Variants in MDGA2 observed in about 807,000 individuals in gnomAD.
MDGA2 encodes MAM domain-containing glycosylphosphatidylinositol anchor protein 2.
In MDGA2, 40 loss-of-function variants were observed where a neutral mutation model predicts 117.8. That is an observed-to-expected ratio of 0.34 (90% CI 0.26 to 0.44). The LOEUF is 0.44. MDGA2 is among the 20% of genes least tolerant of loss of function. The pLI, the probability that MDGA2 is intolerant of heterozygous loss-of-function variation, is 1.00. For synonymous variants in MDGA2, 452 were observed against 439.0 expected (o/e 1.03, Z -0.37); for missense variants, 1,123 against 1,250.6 (o/e 0.90, Z 1.54).
chr14:47,239,536 C>G (rs545346392), intron 2 of MDGA2, among the ~76,000 whole-genome samples: 1 of 151,766 alleles, frequency 6.6e-6, no homozygotes, highest in Non-Finnish European at 1.5e-5. Flanking sequence ...AAAACAGATA[C>G]CAGGCATACA....
intron 10 of MDGA2, among the ~76,000 whole-genome samples, chr14:46,891,521 T>C (rs1003239998): frequency 2.0e-5 from 3 of 151,310 alleles, no homozygotes; most frequent in Non-Finnish European, 3.0e-5. Flanking sequence ...ATTAATATAA[T>C]TTATTTCCTG....
intron 2 of MDGA2, among the ~76,000 whole-genome samples, chr14:47,218,959 A>G (rs1886200342): frequency 6.6e-6 from 1 of 152,090 alleles, no homozygotes; most frequent in Non-Finnish European, 1.5e-5. Flanking sequence ...GGCAATAATG[A>G]CTGGTATTCA....
At chr14:47,434,890 C>G (rs1226510448) in intron 1 of MDGA2, among the ~76,000 whole-genome samples, 1 of 152,098 alleles carries the variant, frequency 6.6e-6, no homozygotes, top group East Asian at 1.9e-4. Context: ...AATCCCAACA[C>G]TTTGGGAGGT....
At chr14:46,871,221 T>C (rs907401901) in intron 14 of MDGA2, 19 of 151,904 alleles carry the variant, frequency 1.3e-4, no homozygotes, top group African/African-American at 4.4e-4. Context: ...ATTTTACCTA[T>C]TTTTATGTTT....
intron 3 of MDGA2, among the ~76,000 whole-genome samples, chr14:47,176,890 G>T (rs144510606): frequency 6.6e-6 from 1 of 152,026 alleles, no homozygotes; most frequent in Non-Finnish European, 1.5e-5. Context: ...GAAAATTTTC[G>T]CAACCTACTC....
chr14:47,182,085 T>A (rs1429829789), intron 3 of MDGA2, among the ~76,000 whole-genome samples: 1 of 152,050 alleles, frequency 6.6e-6, no homozygotes, highest in East Asian at 1.9e-4. Flanking sequence ...ATGCTAGGAG[T>A]TGTTCCAAGT....
At chr14:47,437,187 A>G (rs1232852310) in intron 1 of MDGA2, among the ~76,000 whole-genome samples, 3 of 152,106 alleles carry the variant, frequency 2.0e-5, no homozygotes, top group African/African-American at 7.2e-5. Flanking sequence ...AAGTAAGCAT[A>G]TAACTGTATG....
intron 1 of MDGA2, among the ~76,000 whole-genome samples, chr14:47,335,729 ATATTT>A (rs1213785145): frequency 5.9e-5 from 2 of 34,004 alleles, no homozygotes; most frequent in African/African-American, 1.9e-4. Context: ...ATGCACACAT[ATATTT>A]TATATATATA....
chr14:47,522,467 T>C (rs1311314396), intron 1 of MDGA2, among the ~76,000 whole-genome samples: 1 of 152,100 alleles, frequency 6.6e-6, no homozygotes. Flanking sequence ...TTTAAATAAT[T>C]TTATACATGC....
At chr14:47,372,101 C>T (rs17118419) in intron 1 of MDGA2, among the ~76,000 whole-genome samples, 12,153 of 151,662 alleles carry the variant, frequency 0.08, 568 homozygotes, top group Non-Finnish European at 0.09. Context: ...ACCTTAGAAA[C>T]ATTATGTCCT....
At chr14:47,643,805 T>C (rs1897473539) in intron 1 of MDGA2, among the ~76,000 whole-genome samples, 2 of 152,270 alleles carry the variant, frequency 1.3e-5, no homozygotes, top group Admixed American at 6.5e-5. Context: ...GATTTTTAAA[T>C]GGCATAGATT....
chr14:46,965,749 T>C (rs1338331806), intron 8 of MDGA2, among the ~76,000 whole-genome samples: 1 of 152,156 alleles, frequency 6.6e-6, no homozygotes, highest in East Asian at 1.9e-4. Context: ...ATTTCGAATA[T>C]GATGAAAGAA....
At chr14:46,897,818 A>G (rs1883138883) in intron 10 of MDGA2, among the ~76,000 whole-genome samples, 1 of 152,014 alleles carries the variant, frequency 6.6e-6, no homozygotes, top group Admixed American at 6.6e-5. Flanking sequence ...CTGGGAACAT[A>G]TAATATGAAA....
chr14:47,585,136 C>T lies in MDGA2; in HGVS notation c.280+89381G>A, dbSNP rs186249153. Reference sequence around the variant, plus strand: ...AATATAATTTGCTAAGGTTTACAGTCTTAACTGTTTATTCCAAATAGGTAA... The same window carrying T: ...AATATAATTTGCTAAGGTTTACAGTTTTAACTGTTTATTCCAAATAGGTAA... On this transcript the variant is annotated intron_variant, in intron 1 of 16. Coordinates refer to ENST00000399232, the MANE Select transcript of MDGA2 (RefSeq NM_001113498.3). 1.6e-3 allele frequency among the ~76,000 whole-genome samples: 238 copies of T among 151,938 alleles called. 1 individual carries two copies. Among genetic ancestry groups the T allele is most frequent in the South Asian group, 6.9e-3 (33 of 4,812 alleles).
rs1211226904 is a variant in MDGA2, at chr14:47,604,490, C to G, written c.280+70027G>C. On this transcript the variant is annotated intron_variant, in intron 1 of 16. Coordinates refer to ENST00000399232, the MANE Select transcript of MDGA2 (RefSeq NM_001113498.3). ...TTCCACCATTCACAGCTTCCCCACC[C>G]CCCCCCACCCTCACCCCCCTATAAA... 2.4e-4 allele frequency among the ~76,000 whole-genome samples: 31 copies of G among 130,572 alleles called. No individual in the cohort carries two copies. The South Asian group carries it at 8.4e-3, about 35-fold the overall frequency. The allele number at this position is 130,572 out of a possible 152,430, so 85.7% of individuals were successfully genotyped here.
At chr14:47,039,333 ATTAT>A (rs1384796902) in intron 7 of MDGA2, among the ~76,000 whole-genome samples, 1 of 152,194 alleles carries the variant, frequency 6.6e-6, no homozygotes, top group Non-Finnish European at 1.5e-5. Flanking sequence ...ACCATACAGT[ATTAT>A]TTGTTTCACC....
intron 5 of MDGA2, among the ~76,000 whole-genome samples, chr14:47,124,655 T>C (rs751296971): frequency 6.6e-6 from 1 of 152,068 alleles, no homozygotes; most frequent in African/African-American, 2.4e-5. Flanking sequence ...TATTTGGAGA[T>C]AGGGCTTTTA....
rs115778528 is a variant in MDGA2 at position 47,216,952 on chromosome 14, A to T, written c.595+1069T>A. ...GGCCTCAGGAAATAGAAGATACTGG[A>T]GAGGATGAAACAAGGATTTCTCCCC... On this transcript the variant is annotated intron_variant, in intron 3 of 16. Transcript: ENST00000399232. 9.6e-3 allele frequency among the ~76,000 whole-genome samples: 1,454 copies of T among 152,102 alleles called. 24 individuals are homozygous for T. The highest frequency in any genetic ancestry group is 0.034 in the African/African-American group (1,395 of 41,506).
In MDGA2 at chr14:47,645,863, A is replaced by G. The variant is rs185827134; in HGVS notation, c.280+28654T>C. 3.6e-3 allele frequency among the ~76,000 whole-genome samples: 551 copies of G among 151,752 alleles called. 4 individuals carry two copies. The highest frequency in any genetic ancestry group is 0.012 in the African/African-American group (518 of 41,488). On this transcript the variant is annotated intron_variant, in intron 1 of 16. Transcript: ENST00000399232. The stretch of plus-strand genomic sequence containing the variant: ...CGAGGCGGGTGGATCACGAGGTCAG[A>G]AGATCGAGACCATCCTGGCTAACAC...
Sources: allele counts gnomAD v4.1 joint callset (sites outside exome capture counted in the v4.1 genomes callset), GRCh38; gene constraint gnomAD v4.1.1; transcripts MANE v1.5; gene names NCBI Gene and HGNC (gene_info 2026-07-23, HGNC 2026-07-21).